The following TSBP1 variants were observed in gnomAD, a reference collection of about 807,000 sequenced individuals.
The protein encoded by TSBP1 is testis expressed basic protein 1.
Under a neutral mutation model 68.8 loss-of-function variants are expected in TSBP1, and 56 were observed. The observed-to-expected ratio is 0.81, with a 90% CI of 0.66 to 1.02. TSBP1 has a LOEUF of 1.02. Among genes scored for constraint, TSBP1 ranks in the 50% least tolerant of loss-of-function variants. The pLI is 0.00. For missense variants in TSBP1, 502 were observed against 641.2 expected, an observed-to-expected ratio of 0.78 and a Z score of 2.34; for synonymous variants, 171 against 208.7, an observed-to-expected ratio of 0.82 and a Z score of 1.56.
chr6:32,293,699 T>C (rs772155625), exon 23 of TSBP1: 1 of 1,613,060 alleles, frequency 6.2e-7, no homozygotes. Flanking sequence ...TGACACACTT[T>C]TCTTTATTTG....
chr6:32,334,940 A>G lies in TSBP1; in HGVS notation c.472+497T>C, dbSNP rs867047876. On this transcript the variant is annotated intron_variant, in intron 14 of 22. Coordinates refer to ENST00000612031, the Ensembl canonical transcript of TSBP1. ...TCCCAGCTACTCGGTAGGCTAAGAC[A>G]GGAGAACGGCTTGAACCCACGAGGT... Among the ~76,000 whole-genome samples, 47 of 152,328 alleles carry G rather than the reference A, an allele frequency of 3.1e-4. 1 individual carries two copies. The highest frequency in any genetic ancestry group is 1.1e-3 in the African/African-American group (46 of 41,584).
At chr6:32,310,054 A>G (rs1259838539) in intron 19 of TSBP1, among the ~76,000 whole-genome samples, 1 of 152,116 alleles carries the variant, frequency 6.6e-6, no homozygotes. Flanking sequence ...CTTCATTTCC[A>G]TCCAGGTTGT....
chr6:32,324,357 A>T, intron 16 of TSBP1: 2 of 513,090 alleles, frequency 3.9e-6, no homozygotes, highest in African/African-American at 1.9e-5. Context: ...TCCCTTTTTA[A>T]GGTAGTCTCT....
intron 18 of TSBP1, among the ~76,000 whole-genome samples, chr6:32,317,718 T>C (rs1242878200): frequency 6.6e-6 from 1 of 152,226 alleles, no homozygotes; most frequent in Non-Finnish European, 1.5e-5. Context: ...TCAACATCAC[T>C]GATTGTTAGA....
chr6:32,325,478 G>C lies in TSBP1; in HGVS notation c.515-1864C>G, dbSNP rs511874. The C allele has an allele frequency of 0.27, 242,431 of 893,268 alleles. 38,052 individuals are homozygous for C. The highest frequency in any genetic ancestry group is 0.52 in the African/African-American group (31,372 of 60,480). 55.3% of individuals were successfully genotyped at this position (893,268 alleles called of 1,614,324 possible). On this transcript the variant is annotated intron_variant, in intron 16 of 22. Coordinates refer to ENST00000612031, the Ensembl canonical transcript of TSBP1. This position sits in a 1 kb window ranked among gnomAD's most constrained non-coding sequence, Gnocchi z 4.4. ...TGGATGGAAGAGCTGTGGAACCAAA[G>C]AGAGCTGTCTCAAGAGAAGATTCTC...
At position 32,292,944 on chromosome 6, in the gene TSBP1, T is replaced by C. The variant is rs1764295403; in HGVS notation, c.*37A>G. The stretch of plus-strand genomic sequence containing the variant: ...TGTATCTGGAGTATGGGAATCATAA[T>C]AATCACTTGTCTTATGGGCCTTTAA... On this transcript the variant is annotated 3_prime_UTR_variant, in exon 23 of 23. Transcript: ENST00000612031. The surrounding 1 kb of genome is among the most constrained non-coding windows in gnomAD (Gnocchi z 4.1). 16 of 1,254,132 alleles carry C rather than the reference T, an allele frequency of 1.3e-5. No homozygotes were observed. Among genetic ancestry groups the C allele is most frequent in the Non-Finnish European group, 1.8e-5 (16 of 878,294 alleles). 77.7% of individuals were successfully genotyped at this position (1,254,132 alleles called of 1,614,324 possible).
intron 19 of TSBP1, among the ~76,000 whole-genome samples, chr6:32,312,265 G>C (rs565429062): frequency 2.0e-5 from 3 of 152,278 alleles, no homozygotes; most frequent in South Asian, 4.1e-4. Context: ...ACAGAGGAAG[G>C]AGATTGCATG....
intron 19 of TSBP1, among the ~76,000 whole-genome samples, chr6:32,308,819 C>G (rs1274143024): frequency 6.6e-6 from 1 of 151,920 alleles, no homozygotes. Flanking sequence ...GTACATCTGA[C>G]CTTTTGTCAA....
chr6:32,339,536 T>C (rs770842133), intron 10 of TSBP1, 64 bp downstream of exon 11: 3 of 875,950 alleles, frequency 3.4e-6, no homozygotes, highest in Non-Finnish European at 5.8e-6. Flanking sequence ...ATGTATCCCA[T>C]AAATTTGTAC....
intron 20 of TSBP1, among the ~76,000 whole-genome samples, chr6:32,301,962 C>A (rs9268160): frequency 0.56 from 75,405 of 135,202 alleles, 20,060 homozygotes; most frequent in Middle Eastern, 0.66. Flanking sequence ...TAGTTGAAAT[C>A]ATCATCATAA....
chr6:32,355,486 C>T (rs1173580005), intron 7 of TSBP1, among the ~76,000 whole-genome samples, 163 bp downstream of exon 7: 1 of 152,012 alleles, frequency 6.6e-6, no homozygotes, highest in African/African-American at 2.4e-5. Context: ...CCTTTTCTCC[C>T]AGCCAGATCA....
chr6:32,309,348 TAC>T (rs1165605539), intron 19 of TSBP1, among the ~76,000 whole-genome samples: 1 of 143,698 alleles, frequency 7.0e-6, no homozygotes, highest in Non-Finnish European at 1.6e-5. Flanking sequence ...TTTGTTTTCT[TAC>T]ATATGTTTCT....
At chr6:32,318,087 G>T (rs1463831985) in intron 18 of TSBP1, among the ~76,000 whole-genome samples, 1 of 152,048 alleles carries the variant, frequency 6.6e-6, no homozygotes, top group Non-Finnish European at 1.5e-5. Flanking sequence ...TAAATAAAAT[G>T]TACATATACA....
In TSBP1 at chr6:32,368,821, A is replaced by G; in HGVS notation, c.101-7T>C. ...TATCTGGAGATATACATTTCTGTGG[A>G]AGAATTAGGCAAAATGTTTTTATTA... On this transcript the variant is annotated splice_region_variant and splice_polypyrimidine_tract_variant and intron_variant, in intron 2 of 22. Transcript: ENST00000612031. 6.3e-7 allele frequency: 1 copy of G among 1,587,958 alleles called. No individual in the cohort carries two copies. Among genetic ancestry groups the G allele is most frequent in the Middle Eastern group, 1.7e-4 (1 of 5,914 alleles).
chr6:32,318,966 T>C (rs1350059764), intron 18 of TSBP1, among the ~76,000 whole-genome samples: 2 of 152,184 alleles, frequency 1.3e-5, no homozygotes, highest in Non-Finnish European at 2.9e-5. Flanking sequence ...GATAAAATTA[T>C]GGGTTCTAAT....
intron 21 of TSBP1, among the ~76,000 whole-genome samples, 176 bp from the exon 25 acceptor site, chr6:32,300,112 G>A (rs570066502): frequency 6.6e-6 from 1 of 152,156 alleles, no homozygotes; most frequent in Admixed American, 6.5e-5. Flanking sequence ...TCCACACAGA[G>A]GGTTATCTTT....
At chr6:32,313,997 A>T (rs1323615161) in intron 19 of TSBP1, among the ~76,000 whole-genome samples, 1 of 152,124 alleles carries the variant, frequency 6.6e-6, no homozygotes, top group Non-Finnish European at 1.5e-5. Context: ...ACCATCTAGG[A>T]TCAGGTGTTG....
chr6:32,339,616 T>C lies in TSBP1; in HGVS notation c.372A>G (p.Thr124=), dbSNP rs761166270. Reference sequence around the variant, plus strand: ...GAAACTTACAAGGAGGTTCTTCAGTTGTTTGTAAACATTTTATACTACCTA... The same window carrying C: ...GAAACTTACAAGGAGGTTCTTCAGTCGTTTGTAAACATTTTATACTACCTA... Residue 124 remains threonine (T), a synonymous_variant, in exon 10 of 23, where the codon ACA becomes ACG. Transcript: ENST00000612031. 2.3e-6 allele frequency: 3 copies of C among 1,290,044 alleles called. No individual in the cohort carries two copies. The South Asian group carries it at 3.7e-5, about 16-fold the overall frequency. The allele number at this position is 1,290,044 out of a possible 1,614,324, so 79.9% of individuals were successfully genotyped here. A position where few individuals can be genotyped will look rare whatever the true frequency, so the allele number is the denominator to read the frequency against.
At chr6:32,323,696 G>C (rs1389114831) in intron 16 of TSBP1, 82 bp from the exon 18 acceptor site, 1 of 1,288,600 alleles carries the variant, frequency 7.8e-7, no homozygotes, top group Admixed American at 1.8e-5. Context: ...CTTCTTGGTA[G>C]GTCATTATAA....
Sources: gnomAD v4.1 joint callset for allele counts (sites outside exome capture counted in the v4.1 genomes callset) on GRCh38, gnomAD v4.1.1 for gene constraint, Gnocchi (gnomAD v3.1) non-coding constraint, MANE v1.5 for transcripts, NCBI Gene and HGNC (gene_info 2026-07-23, HGNC 2026-07-21) for gene names.